Variants in HEXA observed in about 807,000 individuals in gnomAD.
HEXA encodes beta-hexosaminidase subunit alpha.
Under a neutral mutation model 73.3 loss-of-function variants are expected in HEXA, and 54 were observed. The ratio of observed to expected loss-of-function variants is 0.74; its 90% confidence interval spans 0.59 to 0.92. The LOEUF is 0.92. Among genes scored for constraint, HEXA ranks in the 40% least tolerant of loss-of-function variants. The pLI, the probability that HEXA is intolerant of heterozygous loss-of-function variation, is 0.00. For synonymous variants in HEXA, 230 were observed against 246.9 expected, an observed-to-expected ratio of 0.93 and a Z score of 0.64; for missense variants, 649 against 653.0, an observed-to-expected ratio of 0.99 and a Z score of 0.07.
intron 8 of HEXA, 149 bp downstream of exon 8, chr15:72,348,930 A>G (rs973879494): frequency 1.1e-5 from 8 of 711,566 alleles, no homozygotes; most frequent in Admixed American, 2.2e-5. Context: ...CTCTACGTAG[A>G]TGGGCAGAGG....
At chr15:72,353,040 T>C (rs371576105) in intron 5 of HEXA, 28 bp downstream of exon 5, 2 of 1,308,766 alleles carry the variant, frequency 1.5e-6, no homozygotes, top group African/African-American at 2.9e-5. Context: ...AACTCTTAAG[T>C]GTGAAGAAGG....
chr15:72,363,711 C>G (rs1187931600), intron 1 of HEXA, among the ~76,000 whole-genome samples: 1 of 152,126 alleles, frequency 6.6e-6, no homozygotes, highest in African/African-American at 2.4e-5. Context: ...CCTGAATGTT[C>G]TTCCTTCCTC....
intron 1 of HEXA, among the ~76,000 whole-genome samples, chr15:72,361,523 C>T (rs945286273): frequency 2.0e-5 from 3 of 152,182 alleles, no homozygotes; most frequent in Non-Finnish European, 4.4e-5. Flanking sequence ...TACACCTCCA[C>T]TCAAATGTCT....
chr15:72,348,374 CAA>C (rs1301934988), intron 8 of HEXA, among the ~76,000 whole-genome samples: 2 of 152,146 alleles, frequency 1.3e-5, no homozygotes, highest in African/African-American at 4.8e-5. Context: ...TTCAAACTCC[CAA>C]AGAGAAAACA....
rs541415708 is a variant in HEXA at position 72,342,040 on chromosome 15, A to G, written c.*2037T>C. ...TAACATTATCCCAAGCAATAGTAACATGAAAGTTATGACCAGGAGGGAAGC... is the reference window on the plus strand; with the variant it reads ...TAACATTATCCCAAGCAATAGTAACGTGAAAGTTATGACCAGGAGGGAAGC... On this transcript the variant is annotated 3_prime_UTR_variant, in exon 14 of 14. Coordinates refer to ENST00000268097, the MANE Select transcript of HEXA (RefSeq NM_000520.6). 2 of 152,254 alleles carry G rather than the reference A, an allele frequency of 1.3e-5. No individual in the cohort carries two copies. The highest frequency in any genetic ancestry group is 1.3e-4 in the Admixed American group (2 of 15,298). 9.4% of individuals were successfully genotyped at this position (152,254 alleles called of 1,614,324 possible).
In HEXA at chr15:72,341,590, A is replaced by G. The variant is rs12441854; in HGVS notation, c.*2487T>C. The G allele has an allele frequency of 0.89, 135,061 of 152,030 alleles. 62,320 individuals are homozygous for G. Among genetic ancestry groups the G allele is most frequent in the East Asian group, 1 (5,142 of 5,142 alleles). 9.4% of individuals were successfully genotyped at this position (152,030 alleles called of 1,614,324 possible). Reference sequence around the variant, plus strand: ...AGGAAGTCAGTCTGGAAACTTCCCCACCCCCTGGTGGTGCACAGCACACAA... The same window carrying G: ...AGGAAGTCAGTCTGGAAACTTCCCCGCCCCCTGGTGGTGCACAGCACACAA... On this transcript the variant is annotated 3_prime_UTR_variant, in exon 14 of 14. Transcript: ENST00000268097.
chr15:72,343,189 C>A lies in HEXA; in HGVS notation c.*888G>T, dbSNP rs1397207396. On this transcript the variant is annotated 3_prime_UTR_variant, in exon 14 of 14. Coordinates refer to ENST00000268097, the MANE Select transcript of HEXA (RefSeq NM_000520.6). ...TGAGTCGAGATCGTGCCACTGCACT[C>A]CAGCCTGTGTGACAGTGAGACTCCG... is the stretch of plus-strand genomic sequence containing the variant. The A allele has an allele frequency of 2.0e-5, 3 of 152,096 alleles. No individual in the cohort carries two copies. Among genetic ancestry groups the A allele is most frequent in the South Asian group, 2.1e-4 (1 of 4,814 alleles). 9.4% of individuals were successfully genotyped at this position (152,096 alleles called of 1,614,324 possible).
chr15:72,343,881 C>T lies in HEXA; in HGVS notation c.*196G>A, dbSNP rs2088577604. 3 of 566,198 alleles carry T rather than the reference C, an allele frequency of 5.3e-6. No homozygotes were observed. In the Admixed American group the frequency reaches 8.7e-5, roughly 16 times the overall value. 35.1% of individuals were successfully genotyped at this position (566,198 alleles called of 1,614,324 possible). A position where few individuals can be genotyped will look rare whatever the true frequency, so the allele number is the denominator to read the frequency against. On this transcript the variant is annotated 3_prime_UTR_variant, in exon 14 of 14. Transcript: ENST00000268097. ...CTTTTTTTTTTAAACACAGGTAATC[C>T]ATGTTTATTATAGAAAAATGCCACA...
chr15:72,374,881 C>G (rs888873187), intron 1 of HEXA, among the ~76,000 whole-genome samples: 2 of 152,034 alleles, frequency 1.3e-5, no homozygotes, highest in South Asian at 4.2e-4. Flanking sequence ...CCCCACTCAT[C>G]ACATCCACTA....
At chr15:72,367,384 C>T (rs917317268) in intron 1 of HEXA, among the ~76,000 whole-genome samples, 2 of 152,204 alleles carry the variant, frequency 1.3e-5, no homozygotes, top group South Asian at 2.1e-4. Context: ...TCCCTCCAAC[C>T]TAACTCCCAC....
chr15:72,345,210 A>G (rs887606719), intron 13 of HEXA: 7 of 645,936 alleles, frequency 1.1e-5, no homozygotes, highest in Admixed American at 6.1e-5. Context: ...TACCTAATAC[A>G]ATATAAATGC....
chr15:72,363,742 T>G (rs1054084001), intron 1 of HEXA, among the ~76,000 whole-genome samples: 2 of 152,162 alleles, frequency 1.3e-5, no homozygotes, highest in African/African-American at 4.8e-5. Flanking sequence ...CCCATATTTT[T>G]TGGGTAAAAG....
intron 6 of HEXA, 56 bp from the exon 7 acceptor site, chr15:72,350,706 A>AAGATAC: frequency 6.2e-7 from 1 of 1,607,902 alleles, no homozygotes; most frequent in Non-Finnish European, 8.5e-7. Flanking sequence ...AGCAGAGTAG[A>AAGATAC]AGATACTCAA....
chr15:72,355,743 T>A (rs2140328355), intron 2 of HEXA, 119 bp from the exon 3 acceptor site: 4 of 759,972 alleles, frequency 5.3e-6, no homozygotes, highest in Middle Eastern at 2.3e-4. Context: ...CCATATATTT[T>A]AAAAAATCTT....
chr15:72,345,125 T>C (rs944022741), intron 13 of HEXA: 2 of 373,746 alleles, frequency 5.4e-6, no homozygotes, highest in Admixed American at 3.9e-5. Flanking sequence ...AAGTCCCTTA[T>C]ATAAAAATGA....
intron 6 of HEXA, 24 bp downstream of exon 6, chr15:72,351,109 G>C: frequency 7.0e-7 from 1 of 1,422,256 alleles, no homozygotes; most frequent in Non-Finnish European, 1.0e-6. Flanking sequence ...CCATAAACTT[G>C]GTCTGAGTGA....
At chr15:72,366,629 G>C (rs2088920026) in intron 1 of HEXA, among the ~76,000 whole-genome samples, 1 of 151,590 alleles carries the variant, frequency 6.6e-6, no homozygotes, top group African/African-American at 2.4e-5. Context: ...TTAATACTTT[G>C]GATCCTGTTG....
chr15:72,369,422 A>G (rs577014688), intron 1 of HEXA, among the ~76,000 whole-genome samples: 1 of 152,334 alleles, frequency 6.6e-6, no homozygotes, highest in East Asian at 1.9e-4. Context: ...CCTCTTGAGG[A>G]TGATGCAAAT....
rs1333775248 is a variant in HEXA, at chr15:72,341,689, A to G, written c.*2388T>C. 6.6e-6 allele frequency: 1 copy of G among 152,204 alleles called. No individual in the cohort carries two copies. Among genetic ancestry groups the G allele is most frequent in the African/African-American group, 2.4e-5 (1 of 41,440 alleles). The allele number at this position is 152,204 out of a possible 1,614,324, so 9.4% of individuals were successfully genotyped here. On this transcript the variant is annotated 3_prime_UTR_variant, in exon 14 of 14. Coordinates refer to ENST00000268097, the MANE Select transcript of HEXA (RefSeq NM_000520.6). ...GTGAAGGGAGATGAGTTGGGGCAAC[A>G]GCGATTCTGTTCATTGGAACAGACT...
Sources: gnomAD v4.1 joint callset for allele counts (sites outside exome capture counted in the v4.1 genomes callset) on GRCh38, gnomAD v4.1.1 for gene constraint, MANE v1.5 for transcripts, NCBI Gene and HGNC (gene_info 2026-07-23, HGNC 2026-07-21) for gene names.